SSR1: variants seen among roughly 807,000 people sequenced by gnomAD.
SSR1 encodes signal sequence receptor subunit 1.
A neutral mutation model predicts 36.1 loss-of-function variants in SSR1; 13 were observed. The observed-to-expected ratio is 0.36, with a 90% CI of 0.23 to 0.57. SSR1 has a LOEUF of 0.57. Among genes scored for constraint, SSR1 ranks in the 20% least tolerant of loss-of-function variants. The pLI is 0.81. For synonymous variants in SSR1, 113 were observed against 118.9 expected, an observed-to-expected ratio of 0.95 and a Z score of 0.32; for missense variants, 291 against 338.5, an observed-to-expected ratio of 0.86 and a Z score of 1.10.
At chr6:7,292,976 C>A (rs1757715852) in intron 7 of SSR1, among the ~76,000 whole-genome samples, 1 of 152,100 alleles carries the variant, frequency 6.6e-6, no homozygotes, top group Non-Finnish European at 1.5e-5. Context: ...CCTGAACAGC[C>A]AATTCACAGG....
In SSR1 at chr6:7,282,979, T is replaced by G. The variant is rs1757461084; in HGVS notation, c.*6885A>C. ...ACCAAGGACCAACTGCTTTGAATCT[T>G]CCACTGTGGATGATGGCAACTGGTC... On this transcript the variant is annotated 3_prime_UTR_variant, in exon 8 of 8. Coordinates refer to ENST00000244763, the MANE Select transcript of SSR1 (RefSeq NM_003144.5). 1 of 152,258 alleles carries G rather than the reference T, an allele frequency of 6.6e-6. No homozygotes were observed. Among genetic ancestry groups the G allele is most frequent in the Non-Finnish European group, 1.5e-5 (1 of 68,050 alleles). 9.4% of individuals were successfully genotyped at this position (152,258 alleles called of 1,614,324 possible). A position where few individuals can be genotyped will look rare whatever the true frequency, so the allele number is the denominator to read the frequency against.
At position 7,281,353 on chromosome 6, in the gene SSR1, G is replaced by A. The variant is rs1757415382; in HGVS notation, c.*8511C>T. ...CTGCACAAGAATTTTAAGGATTCATGACCCCACTTTCATTAAATAGTCCCA... is the reference window on the plus strand; with the variant it reads ...CTGCACAAGAATTTTAAGGATTCATAACCCCACTTTCATTAAATAGTCCCA... On this transcript the variant is annotated 3_prime_UTR_variant, in exon 8 of 8. Transcript: ENST00000244763. 2 of 152,156 alleles carry A rather than the reference G, an allele frequency of 1.3e-5. No homozygotes were observed. The highest frequency in any genetic ancestry group is 4.1e-4 in the South Asian group (2 of 4,828). The allele number at this position is 152,156 out of a possible 1,614,324, so 9.4% of individuals were successfully genotyped here. A position where few individuals can be genotyped will look rare whatever the true frequency, so the allele number is the denominator to read the frequency against.
chr6:7,306,834 T>C (rs1758072766), intron 2 of SSR1, among the ~76,000 whole-genome samples: 2 of 147,792 alleles, frequency 1.4e-5, no homozygotes, highest in South Asian at 4.3e-4. Context: ...GAGACTGGCG[T>C]GAACCCGGGA....
At chr6:7,290,910 T>C (rs936475905) in intron 7 of SSR1, among the ~76,000 whole-genome samples, 2 of 152,084 alleles carry the variant, frequency 1.3e-5, no homozygotes, top group Non-Finnish European at 2.9e-5. Flanking sequence ...TTTATTTTTT[T>C]TGAGACAGAG....
At chr6:7,293,577 ATTT>A (rs941577528) in intron 7 of SSR1, among the ~76,000 whole-genome samples, 1 of 151,040 alleles carries the variant, frequency 6.6e-6, no homozygotes, top group Admixed American at 6.6e-5. Flanking sequence ...CAACACATGT[ATTT>A]TTTTTTCATT....
chr6:7,310,511 T>A (rs1758166294), intron 1 of SSR1, among the ~76,000 whole-genome samples: 1 of 152,224 alleles, frequency 6.6e-6, no homozygotes, highest in South Asian at 2.1e-4. Context: ...GCAACTTTGT[T>A]AAGCAAATTA....
intron 2 of SSR1, among the ~76,000 whole-genome samples, chr6:7,309,673 C>T (rs545889271): frequency 6.6e-6 from 1 of 152,276 alleles, no homozygotes; most frequent in Admixed American, 6.5e-5. Context: ...TTATAAGGGG[C>T]TTTCCCCACC....
chr6:7,301,521 C>A lies in SSR1; in HGVS notation c.332G>T (p.Gly111Val). ...GGATTCAACAATAAAATCTTCTGTA[C>A]CCTTGTTGGTAAAGCCTACCAGGAA... is the stretch of plus-strand genomic sequence containing the variant. ...VKFLVGFTNK[G>V]TEDFIVESLD... Residue 111 changes from glycine (G) to valine (V), a missense_variant, in exon 4 of 8, where the codon GGT becomes GTT. Coordinates refer to ENST00000244763, the MANE Select transcript of SSR1 (RefSeq NM_003144.5). The A allele has an allele frequency of 3.1e-6, 5 of 1,613,936 alleles. No homozygotes were observed. Among genetic ancestry groups the A allele is most frequent in the Non-Finnish European group, 4.2e-6 (5 of 1,179,974 alleles).
chr6:7,310,556 T>C (rs1339599978), intron 1 of SSR1, among the ~76,000 whole-genome samples: 1 of 152,224 alleles, frequency 6.6e-6, no homozygotes, highest in African/African-American at 2.4e-5. Context: ...AAGAAACTTC[T>C]AAATGTAATC....
intron 6 of SSR1, chr6:7,297,093 C>T: frequency 9.1e-6 from 3 of 328,930 alleles, no homozygotes; most frequent in South Asian, 4.3e-5. Flanking sequence ...TGGTGGCGTG[C>T]ACCTGTAGTT....
rs9392873 is a variant in SSR1, at chr6:7,291,280, C to G, written c.794-1349G>C. On this transcript the variant is annotated intron_variant, in intron 7 of 7. Transcript: ENST00000244763. ...AGGTGTGGCAGTACACGCCTGTGATCTCAGCTACTTGGAAGGCTGAGGCAG... is the reference window on the plus strand; with the variant it reads ...AGGTGTGGCAGTACACGCCTGTGATGTCAGCTACTTGGAAGGCTGAGGCAG... 3.5e-3 allele frequency among the ~76,000 whole-genome samples: 528 copies of G among 152,146 alleles called. 13 individuals carry two copies. The East Asian group carries it at 0.06, about 17-fold the overall frequency.
chr6:7,289,765 G>C lies in SSR1; in HGVS notation c.*99C>G. 1.9e-6 allele frequency: 2 copies of C among 1,042,612 alleles called. No individual in the cohort carries two copies. The highest frequency in any genetic ancestry group is 2.8e-6 in the Non-Finnish European group (2 of 715,916). 64.6% of individuals were successfully genotyped at this position (1,042,612 alleles called of 1,614,324 possible). A position where few individuals can be genotyped will look rare whatever the true frequency, so the allele number is the denominator to read the frequency against. On this transcript the variant is annotated 3_prime_UTR_variant, in exon 8 of 8. Coordinates refer to ENST00000244763, the MANE Select transcript of SSR1 (RefSeq NM_003144.5). ...CTCAGTCCACACACAAGTAGGAGTTGCCTTCTATGGTGACATGGCTTCTCT... is the reference window on the plus strand; with the variant it reads ...CTCAGTCCACACACAAGTAGGAGTTCCCTTCTATGGTGACATGGCTTCTCT...
intron 4 of SSR1, among the ~76,000 whole-genome samples, chr6:7,300,803 C>G (rs1757917145): frequency 6.6e-6 from 1 of 152,094 alleles, no homozygotes; most frequent in Non-Finnish European, 1.5e-5. Flanking sequence ...CCACCATGCC[C>G]AGCTAATTTT....
At chr6:7,308,567 A>G (rs1758119916) in intron 2 of SSR1, among the ~76,000 whole-genome samples, 3 of 152,202 alleles carry the variant, frequency 2.0e-5, no homozygotes, top group African/African-American at 4.8e-5. Context: ...AACTAGATGC[A>G]TGCTGCAATG....
chr6:7,310,128 AAC>A, intron 1 of SSR1, 99 bp from the exon 2 acceptor site: 1 of 769,902 alleles, frequency 1.3e-6, no homozygotes, highest in Non-Finnish European at 2.1e-6. Flanking sequence ...CCCTTGGACT[AAC>A]AGAATCTCCC....
Position 7,303,654 on chromosome 6 carries a change from T to G in SSR1, c.193-17A>C. ...ATCTTCTACCTAAGAAAAAGAACAA[T>G]TAAGAGGAGATTACTATGGGAGAAA... On this transcript the variant is annotated splice_polypyrimidine_tract_variant and intron_variant, in intron 2 of 7. Transcript: ENST00000244763. The G allele has an allele frequency of 6.4e-7, 1 of 1,569,018 alleles. No individual in the cohort carries two copies. Among genetic ancestry groups the G allele is most frequent in the Non-Finnish European group, 8.7e-7 (1 of 1,147,942 alleles).
rs1016098889 is a variant in SSR1 at position 7,288,543 on chromosome 6, A to G, written c.*1321T>C. The G allele has an allele frequency of 1.4e-4, 21 of 152,548 alleles. No homozygotes were observed. Among genetic ancestry groups the G allele is most frequent in the African/African-American group, 4.8e-4 (20 of 41,420 alleles). 9.4% of individuals were successfully genotyped at this position (152,548 alleles called of 1,614,324 possible). A position where few individuals can be genotyped will look rare whatever the true frequency, so the allele number is the denominator to read the frequency against. On this transcript the variant is annotated 3_prime_UTR_variant, in exon 8 of 8. Coordinates refer to ENST00000244763, the MANE Select transcript of SSR1 (RefSeq NM_003144.5). ...CATGAGCATAGGGGAGGTTATACTG[A>G]AAAGGAGAATGAAGAGGTCAGGAAT...
intron 1 of SSR1, among the ~76,000 whole-genome samples, chr6:7,311,191 AGT>A (rs1228213397): frequency 6.6e-6 from 1 of 152,254 alleles, no homozygotes; most frequent in Non-Finnish European, 1.5e-5. Flanking sequence ...TCTCAAACTT[AGT>A]GTTACAAAGT....
At chr6:7,303,947 A>G (rs1259902863) in intron 2 of SSR1, among the ~76,000 whole-genome samples, 1 of 152,232 alleles carries the variant, frequency 6.6e-6, no homozygotes, top group Non-Finnish European at 1.5e-5. Context: ...GAATGCCCCA[A>G]TGCAAGACTC....
Sources: gnomAD v4.1 joint callset for allele counts (sites outside exome capture counted in the v4.1 genomes callset) on GRCh38, gnomAD v4.1.1 for gene constraint, MANE v1.5 for transcripts, NCBI Gene and HGNC (gene_info 2026-07-23, HGNC 2026-07-21) for gene names.